COL26A1: variants seen among roughly 807,000 people sequenced by gnomAD.
COL26A1 encodes the protein collagen type XXVI alpha 1 chain, also known as collagen alpha-1(XXVI) chain.
In COL26A1, 41 loss-of-function variants were observed where a neutral mutation model predicts 59.3. The ratio of observed to expected loss-of-function variants is 0.69; its 90% CI spans 0.54 to 0.90. The LOEUF (loss-of-function observed/expected upper bound fraction) is 0.90. COL26A1 is among the 40% of genes least tolerant of loss of function. The pLI, the probability that COL26A1 is intolerant of heterozygous loss-of-function variation, is 0.00. For synonymous variants in COL26A1, 266 were observed against 256.0 expected, an observed-to-expected ratio of 1.04 and a Z score of -0.37; for missense variants, 612 against 602.3, an observed-to-expected ratio of 1.02 and a Z score of -0.17.
chr7:101,464,754 G>A (rs1472867346), intron 3 of COL26A1, among the ~76,000 whole-genome samples: 3 of 151,936 alleles, frequency 2.0e-5, no homozygotes, highest in Non-Finnish European at 1.5e-5. Context: ...TGGAGACAGT[G>A]TCTTGCTCGG....
chr7:101,439,552 T>TAAAAAAAA (rs1345382091), intron 2 of COL26A1, among the ~76,000 whole-genome samples: 284 of 6,444 alleles, frequency 0.044, 5 homozygotes, highest in African/African-American at 0.16. Context: ...AGACTCCGTC[T>TAAAAAAAA]GAAAAAAAAA....
chr7:101,536,831 C>T (rs749260964), intron 4 of COL26A1, among the ~76,000 whole-genome samples: 14 of 152,216 alleles, frequency 9.2e-5, no homozygotes, highest in Non-Finnish European at 1.9e-4. Context: ...TCTTAGTGAG[C>T]TGGTTGATGC....
rs529122038 is a variant in COL26A1, at chr7:101,455,584, C to G, written c.385+7797C>G. 1.3e-3 allele frequency among the ~76,000 whole-genome samples: 189 copies of G among 150,004 alleles called. 1 individual carries two copies. The highest frequency in any genetic ancestry group is 1.9e-3 in the East Asian group (10 of 5,142). ...ATGGTGCAATCTCAGCTCACTGCAA[C>G]CTCCGCCTCCCAGGCTCAAGCGATT... On this transcript the variant is annotated intron_variant, in intron 3 of 12. Transcript: ENST00000313669.
chr7:101,377,452 TCTCA>T (rs1257957448), intron 1 of COL26A1, among the ~76,000 whole-genome samples: 1 of 152,026 alleles, frequency 6.6e-6, no homozygotes, highest in South Asian at 2.1e-4. Flanking sequence ...GGAGCCAGGG[TCTCA>T]CTCTGTTGTT....
chr7:101,519,622 G>A (rs1795099091), intron 3 of COL26A1, among the ~76,000 whole-genome samples: 1 of 152,154 alleles, frequency 6.6e-6, no homozygotes, highest in South Asian at 2.1e-4. Flanking sequence ...CAGGGAGCGG[G>A]GTCAGGCACT....
chr7:101,525,414 G>A (rs1161323900), intron 3 of COL26A1, among the ~76,000 whole-genome samples: 1 of 149,234 alleles, frequency 6.7e-6, no homozygotes, highest in Non-Finnish European at 1.5e-5. Flanking sequence ...ATCTCCTGAA[G>A]TCGTGATCTG....
chr7:101,396,618 A>G (rs952260642), intron 1 of COL26A1, among the ~76,000 whole-genome samples: 1 of 152,114 alleles, frequency 6.6e-6, no homozygotes, highest in African/African-American at 2.4e-5. Flanking sequence ...GCCCGCCATC[A>G]TGCCTGGCTA....
chr7:101,509,109 G>C (rs1403444284), intron 3 of COL26A1, among the ~76,000 whole-genome samples: 1 of 152,134 alleles, frequency 6.6e-6, no homozygotes, highest in African/African-American at 2.4e-5. Context: ...CATAGCAAAA[G>C]AGGGAGCCAG....
chr7:101,555,855 CA>C lies in COL26A1; in HGVS notation c.1150del (p.Met384Ter). 1.2e-6 allele frequency: 2 copies of C among 1,610,392 alleles called. No individual in the cohort carries two copies. The highest frequency in any genetic ancestry group is 1.7e-6 in the Non-Finnish European group (2 of 1,178,668). On this transcript the variant is annotated frameshift_variant, in exon 12 of 13. Transcript: ENST00000313669. LOFTEE classifies it high-confidence loss of function. ...CAGAGCGAGTCCTCATCCTGGAGCA[CA>C]TGATTGGGATCCACGGTGAGCAGTG... ...LAERVLILEHMIGIHDPLASP... is the reference protein window; with the variant it reads ...LAERVLILEHXIGIHDPLASP...
At chr7:101,504,953 A>T (rs1794777829) in intron 3 of COL26A1, among the ~76,000 whole-genome samples, 1 of 152,204 alleles carries the variant, frequency 6.6e-6, no homozygotes, top group Non-Finnish European at 1.5e-5. Context: ...CAGGAGTTCC[A>T]GACCAGCCTG....
rs759800346 is a variant in COL26A1, at chr7:101,533,129, A to G, written c.433A>G (p.Thr145Ala). 6.8e-6 allele frequency: 11 copies of G among 1,605,882 alleles called. No homozygotes were observed. The highest frequency in any genetic ancestry group is 8.5e-6 in the Non-Finnish European group (10 of 1,177,262). ...RLSDMSERLT[T>A]LEAKVLLLEA... ...CAGTGACATGAGTGAGCGACTGACC[A>G]CACTGGAGGCCAAGGTCAGTCGGGC... is the stretch of plus-strand genomic sequence containing the variant. Residue 145 changes from threonine (T) to alanine (A), a missense_variant, in exon 4 of 13, where the codon ACA becomes GCA. Coordinates refer to ENST00000313669, the MANE Select transcript of COL26A1 (RefSeq NM_001278563.3).
intron 1 of COL26A1, among the ~76,000 whole-genome samples, chr7:101,386,792 C>T (rs974879263): frequency 3.3e-5 from 5 of 152,244 alleles, no homozygotes; most frequent in Admixed American, 2.6e-4. Flanking sequence ...TGGACCCAGA[C>T]CCAATGTGAG....
At chr7:101,375,823 T>C (rs1031042512) in intron 1 of COL26A1, among the ~76,000 whole-genome samples, 22 of 150,594 alleles carry the variant, frequency 1.5e-4, no homozygotes, top group African/African-American at 5.1e-4. Flanking sequence ...CTGTCTCTAC[T>C]AAAAATAAAA....
intron 1 of COL26A1, among the ~76,000 whole-genome samples, chr7:101,387,749 T>C (rs1225839489): frequency 7.0e-5 from 7 of 99,858 alleles, no homozygotes; most frequent in Non-Finnish European, 1.1e-4. Flanking sequence ...TATATATATA[T>C]ATATTTATAT....
intron 3 of COL26A1, among the ~76,000 whole-genome samples, chr7:101,453,958 C>T (rs747199711): frequency 1.2e-4 from 18 of 152,130 alleles, no homozygotes; most frequent in Non-Finnish European, 2.6e-4. Flanking sequence ...CTAGACACCC[C>T]AGGAGTGCAG....
chr7:101,382,888 A>G (rs983972041), intron 1 of COL26A1, among the ~76,000 whole-genome samples: 47 of 152,250 alleles, frequency 3.1e-4, no homozygotes, highest in African/African-American at 1.1e-3. Flanking sequence ...CTAAAAATAC[A>G]AAAGTTAGCT....
At chr7:101,389,959 C>T (rs1284297081) in intron 1 of COL26A1, among the ~76,000 whole-genome samples, 1 of 151,932 alleles carries the variant, frequency 6.6e-6, no homozygotes, top group African/African-American at 2.4e-5. Context: ...TGTGAGTTGC[C>T]TTTTCACTCT....
intron 2 of COL26A1, among the ~76,000 whole-genome samples, chr7:101,435,715 C>T (rs569266369): frequency 6.6e-6 from 1 of 152,288 alleles, no homozygotes; most frequent in East Asian, 1.9e-4. Flanking sequence ...AGGACAAGTC[C>T]CAGGGACTCG....
chr7:101,368,983 A>G (rs952736839), intron 1 of COL26A1, among the ~76,000 whole-genome samples: 1 of 150,262 alleles, frequency 6.7e-6, no homozygotes, highest in Non-Finnish European at 1.5e-5. Flanking sequence ...TGAGCGTAAC[A>G]GTGTGTATGA....
Sources: gnomAD v4.1 joint callset for allele counts (sites outside exome capture counted in the v4.1 genomes callset) on GRCh38, gnomAD v4.1.1 for gene constraint, MANE v1.5 for transcripts, NCBI Gene and HGNC (gene_info 2026-07-23, HGNC 2026-07-21) for gene names.